Variants in TBC1D32 observed in about 807,000 individuals in gnomAD.
The protein encoded by TBC1D32 is TBC1 domain family member 32, also known as protein broad-minded.
Under a neutral mutation model 170.3 loss-of-function variants are expected in TBC1D32, and 151 were observed. The observed-to-expected ratio is 0.89, with a 90% CI of 0.78 to 1.01. The LOEUF (loss-of-function observed/expected upper bound fraction) is 1.01, where lower values mean the gene tolerates loss of function less well. Ranked by LOEUF, TBC1D32 falls within the 50% of genes least tolerant of loss-of-function variation. The probability of loss-of-function intolerance (pLI) is 0.00; values close to 1 mark genes in which losing one functional copy is unlikely to be tolerated. For synonymous variants in TBC1D32, 498 were observed against 488.0 expected, an observed-to-expected ratio of 1.02 and a Z score of -0.27; for missense variants, 1,464 against 1,457.1, an observed-to-expected ratio of 1.00 and a Z score of -0.08.
chr6:121,332,959 C>G (rs1811397270), intron 1 of TBC1D32, among the ~76,000 whole-genome samples: 1 of 152,140 alleles, frequency 6.6e-6, no homozygotes, highest in Admixed American at 6.5e-5. Flanking sequence ...AATGAAGATT[C>G]CTTTCACACT....
At chr6:121,296,688 T>C (rs1038025477) in intron 10 of TBC1D32, among the ~76,000 whole-genome samples, 1 of 152,116 alleles carries the variant, frequency 6.6e-6, no homozygotes, top group Non-Finnish European at 1.5e-5. Context: ...TATTATACAA[T>C]GTCTTAAACA....
At chr6:121,279,393 T>C in intron 14 of TBC1D32, 148 bp from the exon 15 acceptor site, 1 of 920,022 alleles carries the variant, frequency 1.1e-6, no homozygotes. Context: ...TGTGAAATAA[T>C]ATGTCTGAAA....
At chr6:121,082,985 AT>A (rs1284835754) in intron 31 of TBC1D32, among the ~76,000 whole-genome samples, 5 of 152,024 alleles carry the variant, frequency 3.3e-5, no homozygotes, top group Admixed American at 1.3e-4. Context: ...AAATTCCAAA[AT>A]ATCTACATTT....
chr6:121,181,548 T>C (rs1788512816), intron 22 of TBC1D32, among the ~76,000 whole-genome samples: 1 of 152,148 alleles, frequency 6.6e-6, no homozygotes, highest in African/African-American at 2.4e-5. Flanking sequence ...CTTTATGAAT[T>C]ACCCAGTCTC....
chr6:121,086,227 C>T (rs114686688), intron 31 of TBC1D32, among the ~76,000 whole-genome samples: 231 of 152,014 alleles, frequency 1.5e-3, no homozygotes, highest in African/African-American at 5.4e-3. Flanking sequence ...TTCAACAACC[C>T]TATGTGATGA....
chr6:121,331,724 T>C (rs1417317172), intron 1 of TBC1D32, among the ~76,000 whole-genome samples: 1 of 152,094 alleles, frequency 6.6e-6, no homozygotes, highest in Admixed American at 6.5e-5. Flanking sequence ...GAAATGGAAA[T>C]ATGAGCACCT....
intron 24 of TBC1D32, among the ~76,000 whole-genome samples, chr6:121,159,783 C>T (rs552934551): frequency 1.3e-5 from 2 of 152,074 alleles, no homozygotes; most frequent in Non-Finnish European, 2.9e-5. Flanking sequence ...TCTTATAAGA[C>T]CACCTTTGTA....
chr6:121,103,681 T>C (rs2128189073), intron 30 of TBC1D32, among the ~76,000 whole-genome samples: 1 of 151,984 alleles, frequency 6.6e-6, no homozygotes, highest in East Asian at 1.9e-4. Context: ...CATGTATACA[T>C]ATATAACAAA....
At chr6:121,180,542 A>C (rs1053489236) in intron 22 of TBC1D32, among the ~76,000 whole-genome samples, 2 of 152,124 alleles carry the variant, frequency 1.3e-5, no homozygotes, top group African/African-American at 2.4e-5. Context: ...CTGAATATTC[A>C]TATGTAGAAG....
In TBC1D32 at chr6:121,239,113, G is replaced by A. The variant is rs775585873; in HGVS notation, c.2321C>T (p.Pro774Leu). The change falls in exon 20 of 32, where the codon CCC becomes CTC. Residue 774 changes from proline to leucine, a missense_variant. Around this residue, in one of 3 missense-constraint regions of TBC1D32, gnomAD observed 1,363 missense variants for 1,338.1 expected, o/e 1.02. Coordinates refer to ENST00000398212, the MANE Select transcript of TBC1D32 (RefSeq NM_152730.6). ...YGRDDVRVTH[P>L]RTTPVDPIDR... ...AATAGGATCCACTGGAGTAGTTCTG[G>A]GATGGGTTACCCTAACATCATCTCT... 17 of 1,604,294 alleles carry A rather than the reference G, an allele frequency of 1.1e-5. No individual in the cohort carries two copies. The South Asian group carries it at 1.9e-4, about 18-fold the overall frequency.
Position 121,293,960 on chromosome 6 carries a change from A to C in TBC1D32, c.1231+610T>G, listed in dbSNP as rs568417262. ...TTTCTTCTTTCATGATAAATAAGAT[A>C]TCTATTAGTGTAGGGAATTACAGAT... On this transcript the variant is annotated intron_variant, in intron 11 of 31. Transcript: ENST00000398212. 3.3e-5 allele frequency among the ~76,000 whole-genome samples: 5 copies of C among 152,296 alleles called. No individual in the cohort carries two copies. In the East Asian group the frequency reaches 9.7e-4, roughly 29 times the overall value.
chr6:121,112,167 C>CT (rs1779262806), intron 29 of TBC1D32, among the ~76,000 whole-genome samples: 1 of 152,014 alleles, frequency 6.6e-6, no homozygotes, highest in South Asian at 2.1e-4. Context: ...GCCAGAGATT[C>CT]TTTTTAACCA....
At chr6:121,309,453 ATTC>A (rs1326718084) in intron 4 of TBC1D32, among the ~76,000 whole-genome samples, 2 of 152,212 alleles carry the variant, frequency 1.3e-5, no homozygotes, top group East Asian at 3.8e-4. Context: ...GAAAAAAATT[ATTC>A]TTCTCTATGA....
intron 20 of TBC1D32, among the ~76,000 whole-genome samples, chr6:121,231,155 A>T (rs1453292379): frequency 6.6e-6 from 1 of 152,138 alleles, no homozygotes; most frequent in Admixed American, 6.6e-5. Flanking sequence ...ATCCAGTTTC[A>T]TTCTTCTACA....
chr6:121,113,432 T>C (rs1488374021), intron 27 of TBC1D32, among the ~76,000 whole-genome samples: 1 of 152,142 alleles, frequency 6.6e-6, no homozygotes, highest in African/African-American at 2.4e-5. Context: ...ATATAAGCAT[T>C]TTTTCCTGAA....
Position 121,192,066 on chromosome 6 carries a change from T to TTATATATATATATA in TBC1D32, c.2570+12995_2570+13008dup, listed in dbSNP as rs1554263739. On this transcript the variant is annotated intron_variant, in intron 22 of 31. Coordinates refer to ENST00000398212, the MANE Select transcript of TBC1D32 (RefSeq NM_152730.6). Reference sequence around the variant, plus strand: ...AAGTTAATACTTAATAAACTACCCTTTATATATATATATATATCCTATTAG... The same window carrying TTATATATATATATA: ...AAGTTAATACTTAATAAACTACCCTTTATATATATATATATATATATATATATATATCCTATTAG... Among the ~76,000 whole-genome samples the TTATATATATATATA allele has an allele frequency of 2.4e-3, 291 of 122,430 alleles. 8 individuals carry two copies. Among genetic ancestry groups the TTATATATATATATA allele is most frequent in the African/African-American group, 1.0e-2 (287 of 28,838 alleles). The allele number at this position is 122,430 out of a possible 152,430, so 80.3% of individuals were successfully genotyped here. A position where few individuals can be genotyped will look rare whatever the true frequency, so the allele number is the denominator to read the frequency against.
chr6:121,250,229 C>T (rs942821074), intron 17 of TBC1D32, among the ~76,000 whole-genome samples: 4 of 152,108 alleles, frequency 2.6e-5, no homozygotes, highest in Admixed American at 1.3e-4. Flanking sequence ...TTCCCTAACT[C>T]ATTTTATGAG....
intron 3 of TBC1D32, among the ~76,000 whole-genome samples, chr6:121,315,508 T>C (rs1808801469): frequency 6.6e-6 from 1 of 152,084 alleles, no homozygotes; most frequent in African/African-American, 2.4e-5. Context: ...GGGTCAAAAG[T>C]CCAAATACAA....
At chr6:121,138,225 G>T (rs1309582913) in intron 24 of TBC1D32, among the ~76,000 whole-genome samples, 1 of 152,046 alleles carries the variant, frequency 6.6e-6, no homozygotes, top group Admixed American at 6.5e-5. Context: ...AACAACTGTG[G>T]ATTAAGGTAT....
Sources: gnomAD v4.1 joint callset for allele counts (sites outside exome capture counted in the v4.1 genomes callset) on GRCh38, gnomAD v4.1.1 for gene constraint, gnomAD v4.1.1 regional missense constraint, MANE v1.5 for transcripts, NCBI Gene and HGNC (gene_info 2026-07-23, HGNC 2026-07-21) for gene names.